Variants in MSRA observed in about 807,000 individuals in gnomAD.
The protein encoded by MSRA is methionine sulfoxide reductase A.
Under a neutral mutation model 31.3 loss-of-function variants are expected in MSRA, and 54 were observed. That is an observed-to-expected ratio of 1.73 (90% CI 1.39 to 2.17). MSRA has a LOEUF of 2.17. Among genes scored for constraint, MSRA ranks in the 30% most tolerant of loss-of-function variants. The pLI, the probability that MSRA is intolerant of heterozygous loss-of-function variation, is 0.00. For missense variants in MSRA, 507 were observed against 300.9 expected (o/e 1.69, Z -5.07); for synonymous variants, 169 against 116.5 (o/e 1.45, Z -2.90).
chr8:10,115,324 G>A (rs1346444901), intron 1 of MSRA, among the ~76,000 whole-genome samples: 1 of 152,204 alleles, frequency 6.6e-6, no homozygotes, highest in Non-Finnish European at 1.5e-5. Flanking sequence ...CAGCCTCACA[G>A]CGAAGAGGCC....
chr8:10,254,913 C>T (rs1459576249), intron 3 of MSRA, among the ~76,000 whole-genome samples: 3 of 152,182 alleles, frequency 2.0e-5, no homozygotes, highest in East Asian at 1.9e-4. Flanking sequence ...TACAGAAACA[C>T]GGGATTTCCT....
At chr8:10,406,530 G>T (rs1313156345) in intron 5 of MSRA, among the ~76,000 whole-genome samples, 1 of 152,138 alleles carries the variant, frequency 6.6e-6, no homozygotes, top group East Asian at 1.9e-4. Flanking sequence ...AGGCAGGCTG[G>T]GGGTTACATC....
chr8:10,312,793 A>G (rs1023055678), intron 4 of MSRA, among the ~76,000 whole-genome samples: 1 of 152,266 alleles, frequency 6.6e-6, no homozygotes, highest in Non-Finnish European at 1.5e-5. Flanking sequence ...TATTTTAAAA[A>G]CATGTATGAT....
In MSRA at chr8:10,355,142, A is replaced by G. The variant is rs1218197208; in HGVS notation, c.543+35153A>G. ...GGGCCGGGTTCCGTGCACCTCCTTT[A>G]TCAGCCTACAACACTACGATGCCCC... On this transcript the variant is annotated intron_variant, in intron 5 of 5. Transcript: ENST00000317173. Among the ~76,000 whole-genome samples the G allele has an allele frequency of 2.0e-5, 3 of 152,134 alleles. No homozygotes were observed. In the East Asian group the frequency reaches 5.8e-4, roughly 29 times the overall value.
chr8:10,239,581 G>A lies in MSRA; in HGVS notation c.212-5523G>A, dbSNP rs530733669. On this transcript the variant is annotated intron_variant, in intron 2 of 5. Transcript: ENST00000317173. ...ACTGCTTATAGGACGATTGTACCTG[G>A]CAAACTCCTTTTGCCTACTTGTCCC... 2.6e-5 allele frequency among the ~76,000 whole-genome samples: 4 copies of A among 152,296 alleles called. No individual in the cohort carries two copies. The South Asian group carries it at 6.2e-4, about 24-fold the overall frequency.
intron 5 of MSRA, among the ~76,000 whole-genome samples, chr8:10,322,766 C>T (rs369164642): frequency 6.6e-6 from 1 of 152,066 alleles, no homozygotes; most frequent in African/African-American, 2.4e-5. Context: ...ACCCCAGTTG[C>T]TGATAAGATT....
chr8:10,400,601 G>C lies in MSRA; in HGVS notation c.544-27547G>C, dbSNP rs537494911. Among the ~76,000 whole-genome samples the C allele has an allele frequency of 3.0e-4, 46 of 152,340 alleles. No homozygotes were observed. In the East Asian group the frequency reaches 8.1e-3, roughly 27 times the overall value. The stretch of plus-strand genomic sequence containing the variant: ...TGAGGCTGTAACAAGCTGACCGAGA[G>C]ATGTAGGGCATGGAGGCTGTTAGCC... On this transcript the variant is annotated intron_variant, in intron 5 of 5. Transcript: ENST00000317173.
chr8:10,057,784 G>C (rs184181776), intron 1 of MSRA, among the ~76,000 whole-genome samples: 2 of 152,294 alleles, frequency 1.3e-5, no homozygotes, highest in Admixed American at 1.3e-4. Context: ...TGCCATGATT[G>C]TAAGTTTCCT....
intron 5 of MSRA, among the ~76,000 whole-genome samples, chr8:10,413,873 T>G (rs924505900): frequency 6.6e-6 from 1 of 152,104 alleles, no homozygotes; most frequent in Non-Finnish European, 1.5e-5. Flanking sequence ...TTGTAAAGTT[T>G]GAAAGGATAG....
At chr8:10,121,144 A>G (rs983059549) in intron 1 of MSRA, among the ~76,000 whole-genome samples, 2 of 152,308 alleles carry the variant, frequency 1.3e-5, no homozygotes. Flanking sequence ...CTTGACAACA[A>G]TAAGTTTGTC....
chr8:10,313,069 T>C (rs1370806377), intron 4 of MSRA, among the ~76,000 whole-genome samples: 3 of 152,158 alleles, frequency 2.0e-5, no homozygotes, highest in Non-Finnish European at 4.4e-5. Context: ...TAGATACCTA[T>C]TTATCTTTCC....
chr8:10,367,161 G>T (rs1483972581), intron 5 of MSRA, among the ~76,000 whole-genome samples: 3 of 152,094 alleles, frequency 2.0e-5, no homozygotes, highest in South Asian at 4.1e-4. Flanking sequence ...TTATCTAGTG[G>T]ATCCACGCTG....
chr8:10,136,468 G>T (rs1045271659), intron 1 of MSRA, among the ~76,000 whole-genome samples: 1 of 152,212 alleles, frequency 6.6e-6, no homozygotes, highest in Admixed American at 6.5e-5. Flanking sequence ...CAGCTCGGGA[G>T]CCCACAAGAT....
chr8:10,213,520 T>A (rs992195170), intron 2 of MSRA, among the ~76,000 whole-genome samples: 1 of 130,790 alleles, frequency 7.6e-6, no homozygotes, highest in Non-Finnish European at 1.6e-5. Context: ...CACTGCAACC[T>A]CCGCCTCCTG....
At chr8:10,171,805 C>T (rs1010660361) in intron 1 of MSRA, among the ~76,000 whole-genome samples, 2 of 152,186 alleles carry the variant, frequency 1.3e-5, no homozygotes, top group African/African-American at 4.8e-5. Flanking sequence ...TAATAGCATT[C>T]TAATAATTCT....
chr8:10,208,740 C>T lies in MSRA; in HGVS notation c.211+839C>T, dbSNP rs116828239. 1.5e-3 allele frequency among the ~76,000 whole-genome samples: 228 copies of T among 152,316 alleles called. 1 individual carries two copies. Among genetic ancestry groups the T allele is most frequent in the African/African-American group, 5.0e-3 (207 of 41,564 alleles). ...CAGCTGCCTCCCTTGGTTCCTTCACCTCCACGTTTAGACAGGTTCTGTGAT... is the reference window on the plus strand; with the variant it reads ...CAGCTGCCTCCCTTGGTTCCTTCACTTCCACGTTTAGACAGGTTCTGTGAT... On this transcript the variant is annotated intron_variant, in intron 2 of 5. Transcript: ENST00000317173.
At chr8:10,164,377 C>T (rs1357623871) in intron 1 of MSRA, among the ~76,000 whole-genome samples, 1 of 152,176 alleles carries the variant, frequency 6.6e-6, no homozygotes. Context: ...CAGATCCCTT[C>T]CCTTGGCTGC....
intron 2 of MSRA, among the ~76,000 whole-genome samples, chr8:10,234,230 T>G (rs533633500): frequency 1.3e-5 from 2 of 152,284 alleles, no homozygotes; most frequent in South Asian, 4.1e-4. Context: ...AAACAATGAT[T>G]AAAATGTTGA....
intron 1 of MSRA, among the ~76,000 whole-genome samples, chr8:10,102,462 A>T (rs1036714976): frequency 2.6e-5 from 4 of 151,284 alleles, no homozygotes; most frequent in Admixed American, 1.3e-4. Flanking sequence ...TTTATCTGCT[A>T]TGTCTTTACT....
Sources: allele counts gnomAD v4.1 joint callset (sites outside exome capture counted in the v4.1 genomes callset), GRCh38; gene constraint gnomAD v4.1.1; transcripts MANE v1.5; gene names NCBI Gene and HGNC (gene_info 2026-07-23, HGNC 2026-07-21).